The following TGFA variants were observed in gnomAD, a reference collection of about 807,000 sequenced individuals.
TGFA encodes the protein protransforming growth factor alpha.
In TGFA, 12 loss-of-function variants were observed where a neutral mutation model predicts 21.7. The ratio of observed to expected loss-of-function variants is 0.55; its 90% confidence interval spans 0.35 to 0.90. The LOEUF (loss-of-function observed/expected upper bound fraction) is 0.90. Ranked by LOEUF, TGFA falls within the 40% of genes least tolerant of loss-of-function variation. The pLI, the probability that TGFA is intolerant of heterozygous loss-of-function variation, is 0.01. For synonymous variants in TGFA, 79 were observed against 88.1 expected, an observed-to-expected ratio of 0.90 and a Z score of 0.58; for missense variants, 178 against 210.8, an observed-to-expected ratio of 0.84 and a Z score of 0.96.
Position 70,452,342 on chromosome 2 carries a change from C to A in TGFA, c.475+876G>T, listed in dbSNP as rs1042272454. On this transcript the variant is annotated intron_variant, in intron 5 of 5. Coordinates refer to ENST00000295400, the MANE Select transcript of TGFA (RefSeq NM_003236.4). Reference sequence around the variant, plus strand: ...ACTCTTCACCTCCACAAGCACAGAGCCACTGATGCTCCGAGGAGGCTCCTG... The same window carrying A: ...ACTCTTCACCTCCACAAGCACAGAGACACTGATGCTCCGAGGAGGCTCCTG... Among the ~76,000 whole-genome samples, 16 of 152,314 alleles carry A rather than the reference C, an allele frequency of 1.1e-4. No individual in the cohort carries two copies. In the East Asian group the frequency reaches 3.1e-3, roughly 29 times the overall value.
At chr2:70,533,329 C>G (rs1672872947) in intron 1 of TGFA, among the ~76,000 whole-genome samples, 1 of 152,028 alleles carries the variant, frequency 6.6e-6, no homozygotes, top group South Asian at 2.1e-4. Flanking sequence ...CCCCTACCCC[C>G]ACCCCCCAAC....
intron 2 of TGFA, among the ~76,000 whole-genome samples, chr2:70,475,030 G>A (rs761078674): frequency 4.0e-5 from 6 of 151,830 alleles, no homozygotes; most frequent in Non-Finnish European, 8.8e-5. Context: ...TAGAGTCAGA[G>A]AAGCCCCAGT....
intron 2 of TGFA, among the ~76,000 whole-genome samples, chr2:70,508,987 T>G (rs1672014685): frequency 2.0e-5 from 3 of 152,082 alleles, no homozygotes; most frequent in African/African-American, 7.2e-5. Flanking sequence ...GAAGGTGAAA[T>G]GAGAATGTGG....
Position 70,467,208 on chromosome 2 carries a change from A to G in TGFA, c.95-1472T>C, listed in dbSNP as rs1195403553. Reference sequence around the variant, plus strand: ...CCCTGGAACTTAAAAAAATTAAATAATTTTAAAAAAAAGATTACTTAAAGC... The same window carrying G: ...CCCTGGAACTTAAAAAAATTAAATAGTTTTAAAAAAAAGATTACTTAAAGC... On this transcript the variant is annotated intron_variant, in intron 2 of 5. Transcript: ENST00000295400. Among the ~76,000 whole-genome samples the G allele has an allele frequency of 2.0e-5, 3 of 152,224 alleles. No homozygotes were observed. The East Asian group carries it at 5.8e-4, about 29-fold the overall frequency.
chr2:70,475,447 G>C (rs1559108764), intron 2 of TGFA, among the ~76,000 whole-genome samples: 1 of 152,116 alleles, frequency 6.6e-6, no homozygotes, highest in Non-Finnish European at 1.5e-5. Flanking sequence ...GCGGAAACCA[G>C]AACTCATGGT....
At chr2:70,453,189 T>G (rs782650087) in intron 5 of TGFA, 29 bp downstream of exon 5, 2 of 1,593,332 alleles carry the variant, frequency 1.3e-6, no homozygotes, top group South Asian at 1.1e-5. Context: ...CACCCAATAG[T>G]GTCTCCCACC....
chr2:70,532,865 CTTTT>C (rs5832016), intron 1 of TGFA, among the ~76,000 whole-genome samples: 2 of 145,078 alleles, frequency 1.4e-5, no homozygotes, highest in Non-Finnish European at 3.0e-5. Flanking sequence ...TATTCTTTTT[CTTTT>C]TTTTTTTTTT....
chr2:70,522,318 C>T (rs1348277594), intron 1 of TGFA, among the ~76,000 whole-genome samples: 9 of 152,306 alleles, frequency 5.9e-5, no homozygotes, highest in East Asian at 1.9e-4. Flanking sequence ...TGCAGATCCT[C>T]GGGAATTCCT....
At chr2:70,454,364 G>C (rs4852596) in intron 4 of TGFA, among the ~76,000 whole-genome samples, 1 of 152,162 alleles carries the variant, frequency 6.6e-6, no homozygotes, top group South Asian at 2.1e-4. Context: ...TAAGGAGGAG[G>C]CTCTGAGACC....
At chr2:70,501,440 T>C (rs782641227) in intron 2 of TGFA, among the ~76,000 whole-genome samples, 3 of 152,142 alleles carry the variant, frequency 2.0e-5, no homozygotes, top group Non-Finnish European at 2.9e-5. Flanking sequence ...TGACTGTCCT[T>C]GGTTCATCTC....
chr2:70,448,714 A>G lies in TGFA; in HGVS notation c.*2145T>C, dbSNP rs77355911. On this transcript the variant is annotated 3_prime_UTR_variant, in exon 6 of 6. Transcript: ENST00000295400. ...TTTCAGACCTGCTGGTTTCCAAAGGACTGACTTGGAAGGCACTTCTAGGGA... is the reference window on the plus strand; with the variant it reads ...TTTCAGACCTGCTGGTTTCCAAAGGGCTGACTTGGAAGGCACTTCTAGGGA... The G allele has an allele frequency of 1.3e-5, 2 of 152,188 alleles. No individual in the cohort carries two copies. Among genetic ancestry groups the G allele is most frequent in the Admixed American group, 6.5e-5 (1 of 15,282 alleles). 9.4% of individuals were successfully genotyped at this position (152,188 alleles called of 1,614,324 possible).
At chr2:70,457,874 A>G (rs1670286155) in intron 3 of TGFA, among the ~76,000 whole-genome samples, 1 of 152,162 alleles carries the variant, frequency 6.6e-6, no homozygotes, top group African/African-American at 2.4e-5. Flanking sequence ...GAGCAGCCCC[A>G]TATCATATGC....
At chr2:70,504,374 C>T (rs1671834816) in intron 2 of TGFA, among the ~76,000 whole-genome samples, 1 of 148,536 alleles carries the variant, frequency 6.7e-6, no homozygotes, top group Admixed American at 6.8e-5. Flanking sequence ...AGCGTCACTG[C>T]ACTCCAGCCT....
At chr2:70,526,727 T>G (rs1310661193) in intron 1 of TGFA, among the ~76,000 whole-genome samples, 2 of 152,168 alleles carry the variant, frequency 1.3e-5, no homozygotes, top group African/African-American at 4.8e-5. Context: ...CATTTTCCCC[T>G]TTAACTTTTG....
At chr2:70,476,525 G>A (rs1471521162) in intron 2 of TGFA, among the ~76,000 whole-genome samples, 2 of 152,126 alleles carry the variant, frequency 1.3e-5, no homozygotes, top group African/African-American at 4.8e-5. Flanking sequence ...TAGGTAAAGT[G>A]GTTGGCAGGA....
rs797022948 is a variant in TGFA, at chr2:70,521,609, G to GTTTTTTTTT, written c.41-6698_41-6697insAAAAAAAAA. On this transcript the variant is annotated intron_variant, in intron 1 of 5. Transcript: ENST00000295400. ...ACTATTGATAGTTTTTTTTGTTGTT[G>GTTTTTTTTT]TTTGTTTGTTTTTTTTTTTTTTTTT... is the stretch of plus-strand genomic sequence containing the variant. 5.3e-3 allele frequency among the ~76,000 whole-genome samples: 417 copies of GTTTTTTTTT among 78,762 alleles called. 49 individuals are homozygous for GTTTTTTTTT. The highest frequency in any genetic ancestry group is 0.012 in the East Asian group (31 of 2,500). 51.7% of individuals were successfully genotyped at this position (78,762 alleles called of 152,430 possible).
chr2:70,522,074 A>G (rs1559133879), intron 1 of TGFA, among the ~76,000 whole-genome samples: 1 of 152,194 alleles, frequency 6.6e-6, no homozygotes, highest in East Asian at 1.9e-4. Context: ...GCAGTTCAGA[A>G]GTTTTTACAT....
chr2:70,491,927 A>G (rs1193301179), intron 2 of TGFA, among the ~76,000 whole-genome samples: 1 of 152,238 alleles, frequency 6.6e-6, no homozygotes, highest in African/African-American at 2.4e-5. Context: ...AGCTTCTTGT[A>G]GGTGAGAACT....
chr2:70,517,910 A>G (rs782504393), intron 1 of TGFA, among the ~76,000 whole-genome samples: 6 of 152,238 alleles, frequency 3.9e-5, no homozygotes, highest in Admixed American at 2.0e-4. Flanking sequence ...ATGAGGGGCA[A>G]AGGTATGAGC....
Sources: allele counts gnomAD v4.1 joint callset (sites outside exome capture counted in the v4.1 genomes callset), GRCh38; gene constraint gnomAD v4.1.1; transcripts MANE v1.5; gene names NCBI Gene and HGNC (gene_info 2026-07-23, HGNC 2026-07-21).